The following STK32A variants were observed in gnomAD, a reference collection of about 807,000 sequenced individuals.
The protein encoded by STK32A is serine/threonine-protein kinase 32A.
A neutral mutation model predicts 53.2 loss-of-function variants in STK32A; 41 were observed. That is an observed-to-expected ratio of 0.77 (90% confidence interval 0.60 to 1.00). STK32A has a LOEUF of 1.00. Among genes scored for constraint, STK32A ranks in the 50% least tolerant of loss-of-function variants. STK32A has a pLI of 0.00. For synonymous variants in STK32A, 166 were observed against 162.8 expected, an observed-to-expected ratio of 1.02 and a Z score of -0.15; for missense variants, 458 against 485.8, an observed-to-expected ratio of 0.94 and a Z score of 0.54.
chr5:147,289,930 G>A (rs1295740116), intron 4 of STK32A, among the ~76,000 whole-genome samples: 1 of 152,104 alleles, frequency 6.6e-6, no homozygotes, highest in African/African-American at 2.4e-5. Context: ...TGAAATACAA[G>A]ATGCACAGTT....
intron 2 of STK32A, among the ~76,000 whole-genome samples, chr5:147,271,845 TA>T (rs1316442861): frequency 6.6e-6 from 1 of 152,150 alleles, no homozygotes; most frequent in Non-Finnish European, 1.5e-5. Flanking sequence ...GAAACTTCAT[TA>T]GCAATTTTAA....
chr5:147,291,303 C>G (rs562063254), intron 4 of STK32A, among the ~76,000 whole-genome samples: 1 of 152,166 alleles, frequency 6.6e-6, no homozygotes. Context: ...CCCAGATGGT[C>G]CTGTCCCACA....
At chr5:147,373,794 T>C (rs897847219) in intron 10 of STK32A, among the ~76,000 whole-genome samples, 2 of 152,144 alleles carry the variant, frequency 1.3e-5, no homozygotes, top group African/African-American at 4.8e-5. Context: ...CAAAGACATA[T>C]AATTCCCATT....
intron 4 of STK32A, among the ~76,000 whole-genome samples, chr5:147,286,086 A>G (rs1752319446): frequency 6.6e-6 from 1 of 152,186 alleles, no homozygotes; most frequent in Non-Finnish European, 1.5e-5. Flanking sequence ...ATGGAATACT[A>G]TGCAGCCATA....
chr5:147,348,359 C>G (rs1179805396), intron 6 of STK32A, among the ~76,000 whole-genome samples: 1 of 152,162 alleles, frequency 6.6e-6, no homozygotes, highest in Admixed American at 6.5e-5. Context: ...AAAATGTAAT[C>G]TCAAACTTTA....
At chr5:147,364,862 G>T (rs1017431403) in intron 8 of STK32A, among the ~76,000 whole-genome samples, 3 of 152,062 alleles carry the variant, frequency 2.0e-5, no homozygotes, top group African/African-American at 7.2e-5. Context: ...TAGAAATTTT[G>T]GGGGGATACA....
intron 2 of STK32A, among the ~76,000 whole-genome samples, chr5:147,247,290 A>G (rs1055325573): frequency 1.3e-5 from 2 of 152,226 alleles, no homozygotes; most frequent in Non-Finnish European, 1.5e-5. Context: ...ACGGATTTCT[A>G]CTATGCATTA....
At chr5:147,317,045 C>A in intron 4 of STK32A, among the ~76,000 whole-genome samples, 1 of 149,070 alleles carries the variant, frequency 6.7e-6, no homozygotes. Context: ...ATCAAGACAA[C>A]AATAATTAAT....
chr5:147,271,375 C>T (rs1755024720), intron 2 of STK32A, among the ~76,000 whole-genome samples: 1 of 151,972 alleles, frequency 6.6e-6, no homozygotes. Context: ...ATGTATTTTG[C>T]CTCAGGACCC....
intron 4 of STK32A, among the ~76,000 whole-genome samples, chr5:147,287,984 GAGGCTTT>G (rs973874770): frequency 2.0e-5 from 3 of 152,010 alleles, no homozygotes; most frequent in Non-Finnish European, 4.4e-5. Flanking sequence ...TGGGTATTGT[GAGGCTTT>G]AAGCTGGCCA....
intron 11 of STK32A, among the ~76,000 whole-genome samples, chr5:147,382,211 G>T (rs141297540): frequency 6.6e-6 from 1 of 152,072 alleles, no homozygotes; most frequent in Non-Finnish European, 1.5e-5. Context: ...CAATTTTGCC[G>T]TTGAAACCCT....
intron 5 of STK32A, among the ~76,000 whole-genome samples, chr5:147,341,146 T>G (rs1755382516): frequency 6.6e-6 from 1 of 152,208 alleles, no homozygotes; most frequent in South Asian, 2.1e-4. Context: ...GATACTGATC[T>G]TGCCTCTCTC....
At position 147,271,469 on chromosome 5, in the gene STK32A, A is replaced by G. The variant is rs184611534; in HGVS notation, c.53-6655A>G. Among the ~76,000 whole-genome samples, 741 of 152,322 alleles carry G rather than the reference A, an allele frequency of 4.9e-3. 6 individuals are homozygous for G. The highest frequency in any genetic ancestry group is 0.016 in the African/African-American group (677 of 41,570). On this transcript the variant is annotated intron_variant, in intron 2 of 12. Coordinates refer to ENST00000397936, the MANE Select transcript of STK32A (RefSeq NM_001112724.2). ...ATCTGGGCACCTTGAAAAAAGAACA[A>G]GATAACAGCAATGTTCAGGGAATAA...
In STK32A at chr5:147,353,557, C is replaced by A. The variant is rs1047014138; in HGVS notation, c.562+2403C>A. Among the ~76,000 whole-genome samples, 4 of 151,958 alleles carry A rather than the reference C, an allele frequency of 2.6e-5. No homozygotes were observed. In the East Asian group the frequency reaches 7.7e-4, roughly 29 times the overall value. Reference sequence around the variant, plus strand: ...CAGGCGGATCACAAGATCAAGAGATCGAGACCAGCCTGGCCAACATGGTGA... The same window carrying A: ...CAGGCGGATCACAAGATCAAGAGATAGAGACCAGCCTGGCCAACATGGTGA... On this transcript the variant is annotated intron_variant, in intron 7 of 12. Transcript: ENST00000397936.
At chr5:147,271,832 C>T (rs1040411822) in intron 2 of STK32A, among the ~76,000 whole-genome samples, 5 of 152,100 alleles carry the variant, frequency 3.3e-5, no homozygotes, top group African/African-American at 4.8e-5. Context: ...GACAATGGTG[C>T]CCGAAACTTC....
intron 2 of STK32A, among the ~76,000 whole-genome samples, chr5:147,249,605 G>GA (rs1004252481): frequency 2.0e-5 from 3 of 151,610 alleles, no homozygotes; most frequent in South Asian, 2.1e-4. Context: ...TTGCTGGGAT[G>GA]AAAAAAAATC....
chr5:147,328,656 T>C (rs534121869), intron 5 of STK32A, among the ~76,000 whole-genome samples: 14 of 152,318 alleles, frequency 9.2e-5, no homozygotes, highest in African/African-American at 3.1e-4. Flanking sequence ...AAATAAATGC[T>C]TTAAATTAGG....
intron 2 of STK32A, among the ~76,000 whole-genome samples, chr5:147,262,417 G>C (rs917781840): frequency 6.6e-6 from 1 of 151,494 alleles, no homozygotes; most frequent in African/African-American, 2.4e-5. Context: ...TAAAGGGATT[G>C]GTACCTCTGG....
At chr5:147,269,729 A>ATAGC (rs1754949962) in intron 2 of STK32A, among the ~76,000 whole-genome samples, 1 of 152,148 alleles carries the variant, frequency 6.6e-6, no homozygotes, top group Non-Finnish European at 1.5e-5. Flanking sequence ...ATTTGCTATC[A>ATAGC]ACTGGGGCTA....
Sources: gnomAD v4.1 joint callset for allele counts (sites outside exome capture counted in the v4.1 genomes callset) on GRCh38, gnomAD v4.1.1 for gene constraint, MANE v1.5 for transcripts, NCBI Gene and HGNC (gene_info 2026-07-23, HGNC 2026-07-21) for gene names.